BMPR1B: variants seen among roughly 807,000 people sequenced by gnomAD.
BMPR1B encodes bone morphogenetic protein receptor type-1B.
A neutral mutation model predicts 59.1 loss-of-function variants in BMPR1B; 12 were observed. The observed-to-expected ratio is 0.20, with a 90% CI of 0.13 to 0.33. The LOEUF (loss-of-function observed/expected upper bound fraction) is 0.33. BMPR1B is among the 10% of genes least tolerant of loss of function. BMPR1B has a pLI of 1.00. For synonymous variants in BMPR1B, 237 were observed against 207.3 expected, an observed-to-expected ratio of 1.14 and a Z score of -1.23; for missense variants, 550 against 610.9, an observed-to-expected ratio of 0.90 and a Z score of 1.05.
intron 2 of BMPR1B, among the ~76,000 whole-genome samples, chr4:94,977,228 A>G (rs1297725020): frequency 1.3e-5 from 2 of 152,210 alleles, no homozygotes; most frequent in African/African-American, 4.8e-5. Context: ...TTGAGCAGAA[A>G]AAGTCAGCTA....
chr4:94,772,916 T>TA (rs1301255438), intron 1 of BMPR1B, among the ~76,000 whole-genome samples: 1 of 152,158 alleles, frequency 6.6e-6, no homozygotes, highest in African/African-American at 2.4e-5. Flanking sequence ...ATAATTGTAT[T>TA]ATGAAACCAT....
intron 2 of BMPR1B, among the ~76,000 whole-genome samples, chr4:94,898,966 C>G (rs890696373): frequency 2.0e-4 from 31 of 152,014 alleles, no homozygotes; most frequent in Non-Finnish European, 1.5e-5. Context: ...TCTCATAGTT[C>G]TGGAAGACCA....
chr4:95,084,286 T>G (rs1011841270), intron 3 of BMPR1B, among the ~76,000 whole-genome samples: 3 of 151,572 alleles, frequency 2.0e-5, no homozygotes, highest in Admixed American at 2.0e-4. Flanking sequence ...ATGTACATGA[T>G]CTATACATAT....
At chr4:95,029,394 A>C (rs1470664824) in intron 3 of BMPR1B, among the ~76,000 whole-genome samples, 1 of 151,270 alleles carries the variant, frequency 6.6e-6, no homozygotes, top group African/African-American at 2.5e-5. Flanking sequence ...AATGATTTCC[A>C]GTTTCATCCA....
At chr4:94,795,473 A>G (rs945325213) in intron 1 of BMPR1B, among the ~76,000 whole-genome samples, 7 of 151,150 alleles carry the variant, frequency 4.6e-5, no homozygotes, top group Admixed American at 4.6e-4. Context: ...CTGGATTATT[A>G]TTATTTTTTG....
In BMPR1B at chr4:94,909,557, C is replaced by CA. The variant is rs1728196002; in HGVS notation, c.-113+33662dup. ...GTAAAGTGCATAGAACAATCCCCAG[C>CA]AAAAAGTGGAACATGTTAGTGATAA... On this transcript the variant is annotated intron_variant, in intron 2 of 12. Transcript: ENST00000515059. Among the ~76,000 whole-genome samples, 3 of 152,022 alleles carry CA rather than the reference C, an allele frequency of 2.0e-5. No individual in the cohort carries two copies. The South Asian group carries it at 6.2e-4, about 32-fold the overall frequency.
intron 3 of BMPR1B, among the ~76,000 whole-genome samples, chr4:95,009,902 G>C (rs1258551241): frequency 6.6e-6 from 1 of 152,210 alleles, no homozygotes; most frequent in African/African-American, 2.4e-5. Flanking sequence ...TGTGGAGAAT[G>C]ATGAACTGAA....
At chr4:94,884,862 C>A (rs1727111857) in intron 2 of BMPR1B, among the ~76,000 whole-genome samples, 1 of 152,190 alleles carries the variant, frequency 6.6e-6, no homozygotes, top group Non-Finnish European at 1.5e-5. Flanking sequence ...TTGTGATTTG[C>A]TTTAGCCAAT....
intron 1 of BMPR1B, among the ~76,000 whole-genome samples, chr4:94,836,209 G>T (rs975731949): frequency 1.3e-5 from 2 of 151,020 alleles, no homozygotes; most frequent in Non-Finnish European, 3.0e-5. Flanking sequence ...GAATAGTGAC[G>T]CAATAAACAT....
chr4:94,953,182 A>G (rs970348235), intron 2 of BMPR1B, among the ~76,000 whole-genome samples: 38 of 152,176 alleles, frequency 2.5e-4, no homozygotes, highest in Non-Finnish European at 2.9e-4. Context: ...TTTCCTGAAT[A>G]CAGCACACTG....
chr4:94,862,340 G>A (rs894913580), intron 1 of BMPR1B, among the ~76,000 whole-genome samples: 34 of 151,502 alleles, frequency 2.2e-4, no homozygotes, highest in African/African-American at 8.2e-4. Context: ...TAGCAGAGGC[G>A]GGGTTTCACC....
intron 2 of BMPR1B, among the ~76,000 whole-genome samples, chr4:94,915,741 C>T (rs1728459510): frequency 6.6e-6 from 1 of 152,146 alleles, no homozygotes; most frequent in African/African-American, 2.4e-5. Flanking sequence ...GGTCATCCTA[C>T]CAATAATTCC....
chr4:94,794,477 G>A (rs1397322719), intron 1 of BMPR1B, among the ~76,000 whole-genome samples: 1 of 140,954 alleles, frequency 7.1e-6, no homozygotes, highest in African/African-American at 2.8e-5. Context: ...TGTTCTTTTG[G>A]CTTAGGATTG....
At chr4:94,762,967 T>A (rs1721837709) in intron 1 of BMPR1B, among the ~76,000 whole-genome samples, 2 of 152,040 alleles carry the variant, frequency 1.3e-5, no homozygotes, top group South Asian at 4.2e-4. Context: ...CCTCAGCACC[T>A]TCTTAGAGTT....
At chr4:94,807,818 G>A (rs1372291770) in intron 1 of BMPR1B, among the ~76,000 whole-genome samples, 1 of 152,096 alleles carries the variant, frequency 6.6e-6, no homozygotes, top group African/African-American at 2.4e-5. Flanking sequence ...CCAAGTAGCT[G>A]GGATTACAGG....
intron 1 of BMPR1B, among the ~76,000 whole-genome samples, chr4:94,835,881 A>G (rs1454101563): frequency 4.7e-5 from 7 of 148,016 alleles, no homozygotes; most frequent in South Asian, 2.2e-4. Context: ...CTAGCATTAG[A>G]TATATCTCCC....
Position 94,937,523 on chromosome 4 carries a change from T to C in BMPR1B, c.-112-58517T>C, listed in dbSNP as rs575897639. 7.2e-4 allele frequency among the ~76,000 whole-genome samples: 110 copies of C among 152,278 alleles called. No individual in the cohort carries two copies. In the South Asian group the frequency reaches 8.1e-3, roughly 11 times the overall value. Reference sequence around the variant, plus strand: ...TAAATAAACTGACTCCTGCTCTACGTGTTTAGCACCCTGCTATTCATAGTG... The same window carrying C: ...TAAATAAACTGACTCCTGCTCTACGCGTTTAGCACCCTGCTATTCATAGTG... On this transcript the variant is annotated intron_variant, in intron 2 of 12. Coordinates refer to ENST00000515059, the MANE Select transcript of BMPR1B (RefSeq NM_001203.3).
chr4:94,926,088 C>T (rs1728881189), intron 2 of BMPR1B, among the ~76,000 whole-genome samples: 1 of 121,080 alleles, frequency 8.3e-6, no homozygotes, highest in Admixed American at 9.4e-5. Context: ...CCCTCCCCTT[C>T]TCTCCCTTCC....
chr4:94,922,051 C>T (rs1350299625), intron 2 of BMPR1B, among the ~76,000 whole-genome samples: 2 of 152,108 alleles, frequency 1.3e-5, no homozygotes, highest in Admixed American at 6.5e-5. Flanking sequence ...ACAATTACTG[C>T]AGCCTCGACC....
Sources: allele counts gnomAD v4.1 joint callset (sites outside exome capture counted in the v4.1 genomes callset), GRCh38; gene constraint gnomAD v4.1.1; transcripts MANE v1.5; gene names NCBI Gene and HGNC (gene_info 2026-07-23, HGNC 2026-07-21).